Variants in IL1RAPL1 observed in about 807,000 individuals in gnomAD.
IL1RAPL1 encodes the protein interleukin 1 receptor accessory protein like 1.
Under a neutral mutation model 48.4 loss-of-function variants are expected in IL1RAPL1, and 3 were observed. The ratio of observed to expected loss-of-function variants is 0.06; its 90% CI spans 0.03 to 0.16. The LOEUF is 0.16. Ranked by LOEUF, IL1RAPL1 falls within the 10% of genes least tolerant of loss-of-function variation. IL1RAPL1 has a pLI of 1.00. For synonymous variants in IL1RAPL1, 185 were observed against 187.7 expected (o/e 0.99, Z 0.12); for missense variants, 349 against 530.6 (o/e 0.66, Z 3.36).
chrX:29,006,647 A>ATGTGTGTGTGTGTGTGTGTG, intron 2 of IL1RAPL1, among the ~76,000 whole-genome samples: 1 of 76,935 alleles, frequency 1.3e-5, no homozygotes, highest in African/African-American at 4.9e-5. Context: ...GTTTATATAT[A>ATGTGTGTGTGTGTGTGTGTG]TGTGTGTGTG....
At chrX:28,913,334 G>T (rs1923406184) in intron 2 of IL1RAPL1, among the ~76,000 whole-genome samples, 1 of 111,817 alleles carries the variant, frequency 8.9e-6, no homozygotes, top group Non-Finnish European at 1.9e-5. Context: ...GTTCTGGCCA[G>T]TTTATGCTGA....
intron 5 of IL1RAPL1, among the ~76,000 whole-genome samples, chrX:29,452,985 C>T (rs982297593): frequency 6.5e-5 from 6 of 92,705 alleles, no homozygotes; most frequent in African/African-American, 2.1e-4. Flanking sequence ...AGTACACTGG[C>T]GCAATCTCGG....
At chrX:29,020,012 G>T (rs994011806) in intron 2 of IL1RAPL1, among the ~76,000 whole-genome samples, 1 of 112,491 alleles carries the variant, frequency 8.9e-6, no homozygotes, top group Non-Finnish European at 1.9e-5. Flanking sequence ...TTTATGTCAA[G>T]TGAGGAGAAC....
chrX:29,036,240 A>T (rs1007732383), intron 2 of IL1RAPL1, among the ~76,000 whole-genome samples: 7 of 112,404 alleles, frequency 6.2e-5, no homozygotes, highest in African/African-American at 2.3e-4. Flanking sequence ...CTGTTTTTAC[A>T]GTGTTCACAA....
intron 5 of IL1RAPL1, among the ~76,000 whole-genome samples, chrX:29,514,610 G>A (rs1463851668): frequency 1.8e-5 from 2 of 111,774 alleles, no homozygotes; most frequent in African/African-American, 3.3e-5. Context: ...CACCACGCCC[G>A]GCTAATTTTT....
chrX:29,706,164 A>T (rs1927188490), intron 6 of IL1RAPL1, among the ~76,000 whole-genome samples: 1 of 111,638 alleles, frequency 9.0e-6, no homozygotes, highest in Admixed American at 9.5e-5. Flanking sequence ...CGCCCACATG[A>T]TTCAGTCATC....
At chrX:29,854,928 G>A (rs1302643958) in intron 6 of IL1RAPL1, among the ~76,000 whole-genome samples, 3 of 109,922 alleles carry the variant, frequency 2.7e-5, no homozygotes, top group African/African-American at 6.7e-5. Flanking sequence ...CAAAATTAAC[G>A]GGAGGTATTA....
intron 5 of IL1RAPL1, among the ~76,000 whole-genome samples, chrX:29,418,106 TATATATATATATATATATA>T (rs1934241245): frequency 2.5e-5 from 1 of 40,301 alleles, no homozygotes; most frequent in Non-Finnish European, 4.6e-5. Flanking sequence ...TATATATATA[TATATATATATATATATATA>T]TTTTTTTTTT....
chrX:29,798,124 T>G (rs1291069311), intron 6 of IL1RAPL1, among the ~76,000 whole-genome samples: 2 of 111,803 alleles, frequency 1.8e-5, no homozygotes, highest in Admixed American at 1.9e-4. Context: ...GTGCCAACCT[T>G]GATTGCACCT....
chrX:29,345,568 CTTAT>C (rs1169405846), intron 3 of IL1RAPL1, among the ~76,000 whole-genome samples: 5 of 111,300 alleles, frequency 4.5e-5, no homozygotes, highest in African/African-American at 1.6e-4. Context: ...GATATAGTAT[CTTAT>C]TTATCTTCTT....
chrX:29,568,156 G>A (rs1317755859), intron 5 of IL1RAPL1, among the ~76,000 whole-genome samples: 2 of 94,099 alleles, frequency 2.1e-5, no homozygotes, highest in Non-Finnish European at 4.2e-5. Context: ...TTGATTTAAA[G>A]ATCAAGAATA....
rs931846060 is a variant in IL1RAPL1 at position 29,534,796 on chromosome X, A to G, written c.704-133634A>G. 6.4e-5 allele frequency among the ~76,000 whole-genome samples: 7 copies of G among 109,742 alleles called. No homozygotes were observed. In the South Asian group the frequency reaches 2.0e-3, roughly 31 times the overall value. On this transcript the variant is annotated intron_variant, in intron 5 of 10. Transcript: ENST00000378993. Reference sequence around the variant, plus strand: ...ATCCTGGCTAACACGGTGAAACCCCATCTCTACTAAAAATACAAAAAAATT... The same window carrying G: ...ATCCTGGCTAACACGGTGAAACCCCGTCTCTACTAAAAATACAAAAAAATT...
intron 6 of IL1RAPL1, among the ~76,000 whole-genome samples, chrX:29,746,668 C>T (rs1293670307): frequency 9.0e-6 from 1 of 111,026 alleles, no homozygotes; most frequent in African/African-American, 3.3e-5. Flanking sequence ...AGTGCAGTGG[C>T]GCGATCTCAG....
chrX:28,677,818 C>CCTCA (rs1466464545), intron 1 of IL1RAPL1, among the ~76,000 whole-genome samples: 1 of 111,145 alleles, frequency 9.0e-6, no homozygotes, highest in East Asian at 2.8e-4. Context: ...GAACTCCTGA[C>CCTCA]CTCAGGTGAT....
chrX:29,599,944 AGTTAGACTTCACCTTTCTCT>A (rs1283682129), intron 5 of IL1RAPL1, among the ~76,000 whole-genome samples: 8 of 111,601 alleles, frequency 7.2e-5, no homozygotes, highest in African/African-American at 2.6e-4. Flanking sequence ...TTTTTATTTC[AGTTAGACTTCACCTTTCTCT>A]GGTGCATCCT....
At chrX:29,720,115 G>T in intron 6 of IL1RAPL1, among the ~76,000 whole-genome samples, 1 of 112,044 alleles carries the variant, frequency 8.9e-6, no homozygotes, top group East Asian at 2.8e-4. Context: ...AGATGCTGGA[G>T]AGGATGTGGA....
intron 6 of IL1RAPL1, among the ~76,000 whole-genome samples, chrX:29,885,193 C>T (rs1932124433): frequency 8.9e-6 from 1 of 111,914 alleles, no homozygotes; most frequent in African/African-American, 3.2e-5. Flanking sequence ...ACACATCCTC[C>T]TGGCTAACTC....
At chrX:29,789,325 G>A (rs748389812) in intron 6 of IL1RAPL1, among the ~76,000 whole-genome samples, 2 of 111,898 alleles carry the variant, frequency 1.8e-5, no homozygotes, top group Non-Finnish European at 3.8e-5. Context: ...ACTAAGCAAA[G>A]TTCTCCAATA....
intron 2 of IL1RAPL1, among the ~76,000 whole-genome samples, chrX:28,810,831 T>C (rs1420396116): frequency 1.8e-5 from 2 of 110,301 alleles, no homozygotes; most frequent in Non-Finnish European, 3.8e-5. Flanking sequence ...TATTATGCTG[T>C]TATGTAATGA....
Sources: allele counts gnomAD v4.1 joint callset (sites outside exome capture counted in the v4.1 genomes callset), GRCh38; gene constraint gnomAD v4.1.1; transcripts MANE v1.5; gene names NCBI Gene and HGNC (gene_info 2026-07-23, HGNC 2026-07-21).